Variants in TRMT11 observed in about 807,000 individuals in gnomAD.
TRMT11 encodes the protein tRNA methyltransferase 11, also known as tRNA (guanine(10)-N(2))-methyltransferase TRMT11.
Under a neutral mutation model 62.8 loss-of-function variants are expected in TRMT11, and 53 were observed. The observed-to-expected ratio is 0.84, with a 90% CI of 0.68 to 1.06. The LOEUF is 1.06. Among genes scored for constraint, TRMT11 ranks in the 50% least tolerant of loss-of-function variants. The pLI is 0.00. For missense variants in TRMT11, 556 were observed against 553.4 expected (o/e 1.00, Z -0.05); for synonymous variants, 188 against 190.3 (o/e 0.99, Z 0.10).
intron 21 of TRMT11, among the ~76,000 whole-genome samples, chr6:126,117,482 A>G (rs547358747): frequency 6.6e-6 from 1 of 152,198 alleles, no homozygotes; most frequent in Non-Finnish European, 1.5e-5. Context: ...GTTGCATGTG[A>G]GCAATCAGAG....
At chr6:126,208,760 T>A (rs1778812987), downstream of TRMT11, among the ~76,000 whole-genome samples, 1 of 152,240 alleles carries the variant, frequency 6.6e-6, no homozygotes, top group African/African-American at 2.4e-5. Flanking sequence ...AATCACATAG[T>A]TGTTGTGTAA....
chr6:126,155,921 T>G (rs912182907), intron 21 of TRMT11, among the ~76,000 whole-genome samples: 1 of 151,522 alleles, frequency 6.6e-6, no homozygotes, highest in Non-Finnish European at 1.5e-5. Flanking sequence ...AGAGATGGGG[T>G]TTCAACGTGT....
the TRMT11 span, among the ~76,000 whole-genome samples, chr6:126,266,863 C>A: frequency 2.0e-5 from 3 of 152,058 alleles, no homozygotes; most frequent in African/African-American, 7.2e-5. Flanking sequence ...GTGTGAGATT[C>A]ATAAAAGAAC....
intron 17 of TRMT11, among the ~76,000 whole-genome samples, chr6:126,072,321 A>T (rs1047514647): frequency 3.3e-5 from 5 of 152,222 alleles, no homozygotes; most frequent in Non-Finnish European, 5.9e-5. Flanking sequence ...ATATGAATGT[A>T]AAAGCCCCAA....
intron 21 of TRMT11, among the ~76,000 whole-genome samples, chr6:126,166,216 A>G (rs1180632049): frequency 1.3e-5 from 2 of 151,468 alleles, no homozygotes; most frequent in East Asian, 3.9e-4. Context: ...GCTTCCTTCC[A>G]TTGGGTTTTT....
At chr6:126,066,810 A>G (rs554594829) in intron 17 of TRMT11, among the ~76,000 whole-genome samples, 2 of 152,204 alleles carry the variant, frequency 1.3e-5, no homozygotes, top group African/African-American at 4.8e-5. Context: ...GGGGGGTGCC[A>G]TCCACCCAGC....
chr6:126,242,562 C>T, the TRMT11 span, among the ~76,000 whole-genome samples: 3 of 152,192 alleles, frequency 2.0e-5, no homozygotes, highest in Non-Finnish European at 4.4e-5. Context: ...ACCAAAACAG[C>T]ATGGTACTGG....
At chr6:126,211,889 T>C in the TRMT11 span, among the ~76,000 whole-genome samples, 20 of 152,126 alleles carry the variant, frequency 1.3e-4, no homozygotes, top group Non-Finnish European at 2.8e-4. Context: ...TTTCTAACTA[T>C]TTTTTGTATT....
the TRMT11 span, among the ~76,000 whole-genome samples, chr6:126,266,347 A>G: frequency 5.3e-5 from 8 of 152,198 alleles, no homozygotes; most frequent in Non-Finnish European, 7.4e-5. Context: ...GCATGTTCCT[A>G]TTCAGCATCA....
intron 12 of TRMT11, 109 bp downstream of exon 12, chr6:126,021,389 A>G (rs1795787708): frequency 7.6e-7 from 1 of 1,309,886 alleles, no homozygotes; most frequent in African/African-American, 1.5e-5. Flanking sequence ...TGATATTTTA[A>G]AAATTACAGA....
At chr6:126,262,611 G>A in the TRMT11 span, among the ~76,000 whole-genome samples, 1 of 152,258 alleles carries the variant, frequency 6.6e-6, no homozygotes, top group South Asian at 2.1e-4. Context: ...CTACTCTGCA[G>A]CAGTGTACTT....
intron 21 of TRMT11, among the ~76,000 whole-genome samples, chr6:126,142,023 G>A (rs1294933509): frequency 1.3e-5 from 2 of 151,994 alleles, no homozygotes; most frequent in Non-Finnish European, 2.9e-5. Flanking sequence ...GTGGCTAGAG[G>A]TTTGTGTCCT....
chr6:126,073,775 C>T (rs575193745), intron 17 of TRMT11, among the ~76,000 whole-genome samples: 29 of 152,102 alleles, frequency 1.9e-4, no homozygotes, highest in Middle Eastern at 3.4e-3. Context: ...TCTGTTCTCA[C>T]GCTGCGAATA....
the TRMT11 span, among the ~76,000 whole-genome samples, chr6:126,247,475 A>ATCTATCTATCTATCTGTCTG: frequency 3.8e-3 from 565 of 147,610 alleles, 4 homozygotes; most frequent in African/African-American, 0.012. Flanking sequence ...CTATCTATCT[A>ATCTATCTATCTATCTGTCTG]TCTATCTATC....
chr6:126,077,483 G>A (rs1210589016), intron 17 of TRMT11, among the ~76,000 whole-genome samples: 1 of 152,142 alleles, frequency 6.6e-6, no homozygotes, highest in African/African-American at 2.4e-5. Context: ...AAGAGATCAC[G>A]TTCCTTTCTT....
At chr6:126,037,748 T>C (rs1775450163) in intron 12 of TRMT11, among the ~76,000 whole-genome samples, 2 of 152,062 alleles carry the variant, frequency 1.3e-5, no homozygotes, top group Admixed American at 1.3e-4. Context: ...AAGGTACTCA[T>C]TTTATACAGG....
chr6:126,198,418 G>T (rs1347568681), intron 1 of TRMT11, among the ~76,000 whole-genome samples: 1 of 152,168 alleles, frequency 6.6e-6, no homozygotes, highest in African/African-American at 2.4e-5. Context: ...TGAAAGCTAA[G>T]AGAGTTTGAT....
the TRMT11 span, among the ~76,000 whole-genome samples, chr6:126,259,716 G>A: frequency 1.3e-5 from 2 of 151,998 alleles, no homozygotes; most frequent in Non-Finnish European, 1.5e-5. Flanking sequence ...CTCCTTTTAG[G>A]TCTAATAATA....
At chr6:126,252,748 T>C in the TRMT11 span, among the ~76,000 whole-genome samples, 1 of 152,216 alleles carries the variant, frequency 6.6e-6, no homozygotes, top group Non-Finnish European at 1.5e-5. Flanking sequence ...TAGTGATGCA[T>C]AAATGACTCA....
Sources: gnomAD v4.1 joint callset for allele counts (sites outside exome capture counted in the v4.1 genomes callset) on GRCh38, gnomAD v4.1.1 for gene constraint, MANE v1.5 for transcripts, NCBI Gene and HGNC (gene_info 2026-07-23, HGNC 2026-07-21) for gene names.